The following PLCE1 variants were observed in gnomAD, a reference collection of about 807,000 sequenced individuals.
The protein encoded by PLCE1 is 1-phosphatidylinositol 4,5-bisphosphate phosphodiesterase epsilon-1.
PLCE1 carries 119 observed loss-of-function variants against 242.8 expected under a neutral mutation model. That is an observed-to-expected ratio of 0.49 (90% confidence interval 0.42 to 0.57). PLCE1 has a LOEUF of 0.57. PLCE1 is among the 20% of genes least tolerant of loss of function. The pLI, the probability that PLCE1 is intolerant of heterozygous loss-of-function variation, is 0.00. For missense variants in PLCE1, 2,441 were observed against 2,788.8 expected (o/e 0.88, Z 2.81); for synonymous variants, 945 against 1,017.4 (o/e 0.93, Z 1.35).
intron 2 of PLCE1, among the ~76,000 whole-genome samples, chr10:94,070,464 G>A (rs61886297): frequency 0.026 from 3,908 of 152,208 alleles, 84 homozygotes; most frequent in Non-Finnish European, 0.038. Context: ...GAAGAGATGG[G>A]CTTCCCTCTC....
At chr10:94,327,497 C>CTT (rs1446854948) in intron 32 of PLCE1, among the ~76,000 whole-genome samples, 1 of 152,300 alleles carries the variant, frequency 6.6e-6, no homozygotes, top group East Asian at 1.9e-4. Flanking sequence ...ATTGCTTGAA[C>CTT]TTTGGAGGCA....
At chr10:94,277,028 G>C (rs1165425847) in intron 19 of PLCE1, among the ~76,000 whole-genome samples, 1 of 152,020 alleles carries the variant, frequency 6.6e-6, no homozygotes, top group Non-Finnish European at 1.5e-5. Flanking sequence ...AGCTCCAGTG[G>C]GCTCAGACCT....
chr10:94,060,164 C>T (rs2044009489), intron 2 of PLCE1, among the ~76,000 whole-genome samples: 1 of 150,968 alleles, frequency 6.6e-6, no homozygotes, highest in South Asian at 2.1e-4. Context: ...ACATGCTGGT[C>T]TTGGTCAAGT....
In PLCE1 at chr10:94,246,123, G is replaced by T; in HGVS notation, c.2598G>T (p.Thr866=). 1 of 1,614,048 alleles carries T rather than the reference G, an allele frequency of 6.2e-7. No homozygotes were observed. The highest frequency in any genetic ancestry group is 1.1e-5 in the South Asian group (1 of 91,074). The part of the protein sequence containing the change: ...DVHQFLLQGA[T]VIHYDQDTHL... ...ACCAGTTCCTGCTGCAGGGGGCCAC[G>T]GTCATCCACTACGACCAGGACACAC... is the stretch of plus-strand genomic sequence containing the variant. The change falls in exon 8 of 33, where the codon ACG becomes ACT. Residue 866 remains threonine (T), a synonymous_variant. Coordinates refer to ENST00000371380, the MANE Select transcript of PLCE1 (RefSeq NM_016341.4).
In PLCE1 at chr10:94,234,080, A is replaced by G; in HGVS notation, c.1982A>G (p.Gln661Arg). 1 of 1,613,962 alleles carries G rather than the reference A, an allele frequency of 6.2e-7. No homozygotes were observed. The highest frequency in any genetic ancestry group is 8.5e-7 in the Non-Finnish European group (1 of 1,179,826). Residue 661 changes from glutamine (Q) to arginine (R), a missense_variant, in exon 6 of 33, where the codon CAG (glutamine) becomes CGG (arginine). Physicochemically the swap from Gln to Arg is conservative, Grantham distance 43 (BLOSUM62 1). This residue lies in a region of PLCE1 where 733 missense variants were observed against 754.2 expected (regional missense o/e 0.97). Coordinates refer to ENST00000371380, the MANE Select transcript of PLCE1 (RefSeq NM_016341.4). Reference protein sequence around the residue: ...LRSRKVLKMWQFMDQSDIETM... With the variant: ...LRSRKVLKMWRFMDQSDIETM... The stretch of plus-strand genomic sequence containing the variant: ...TCAAGAAAAGTTTTAAAAATGTGGC[A>G]GTTCATGGACCAGTCTGATATTGAG...
intron 1 of PLCE1, among the ~76,000 whole-genome samples, chr10:93,997,632 C>CTTTTTTTTTTTTT (rs34338995): frequency 2.5e-5 from 2 of 79,872 alleles, no homozygotes; most frequent in Admixed American, 1.5e-4. Context: ...AATAACCATC[C>CTTTTTTTTTTTTT]TTTTTTTTTT....
chr10:94,160,417 C>A (rs529100990), intron 3 of PLCE1, among the ~76,000 whole-genome samples: 5 of 152,314 alleles, frequency 3.3e-5, no homozygotes, highest in African/African-American at 1.2e-4. Context: ...TAAATGTCTT[C>A]TTTTGAGAAG....
chr10:94,138,358 A>G, intron 3 of PLCE1: 1 of 389,556 alleles, frequency 2.6e-6, no homozygotes, highest in Non-Finnish European at 5.1e-6. Context: ...CCTTTCATAA[A>G]TGAGGAGAGT....
intron 2 of PLCE1, among the ~76,000 whole-genome samples, chr10:94,061,198 C>T (rs1199638046): frequency 1.3e-5 from 2 of 152,140 alleles, no homozygotes; most frequent in Non-Finnish European, 2.9e-5. Context: ...GAACTTTCCA[C>T]AAAACTTCCT....
chr10:94,259,259 T>C lies in PLCE1; in HGVS notation c.3814+109T>C, dbSNP rs555227830. On this transcript the variant is annotated intron_variant, in intron 13 of 32. Coordinates refer to ENST00000371380, the MANE Select transcript of PLCE1 (RefSeq NM_016341.4). ...CCTGTCCCACATAGTGTGCTATTAC[T>C]GCTGTGTAGGGAAAGACTTAAGAGA... The C allele has an allele frequency of 3.4e-4, 372 of 1,091,718 alleles. 1 individual carries two copies. The highest frequency in any genetic ancestry group is 5.1e-4 in the Admixed American group (30 of 59,120). 67.6% of individuals were successfully genotyped at this position (1,091,718 alleles called of 1,614,324 possible). A position where few individuals can be genotyped will look rare whatever the true frequency, so the allele number is the denominator to read the frequency against.
At chr10:94,126,685 A>G (rs1032790469) in intron 2 of PLCE1, among the ~76,000 whole-genome samples, 4 of 152,230 alleles carry the variant, frequency 2.6e-5, no homozygotes, top group Non-Finnish European at 4.4e-5. Flanking sequence ...AGAACTTTCC[A>G]TCACCATATT....
intron 19 of PLCE1, 38 bp downstream of exon 19, chr10:94,273,758 G>A (rs768562538): frequency 4.4e-6 from 7 of 1,588,106 alleles, no homozygotes; most frequent in Non-Finnish European, 8.6e-7. Flanking sequence ...AAAAGGCAGT[G>A]TGCCTAGAAC....
At chr10:94,195,932 A>T (rs967610895) in intron 4 of PLCE1, among the ~76,000 whole-genome samples, 3 of 152,162 alleles carry the variant, frequency 2.0e-5, no homozygotes, top group Non-Finnish European at 4.4e-5. Context: ...AAGATAAAGA[A>T]TTAGGCCAGA....
chr10:94,324,791 A>G (rs983403135), intron 31 of PLCE1, 101 bp from the exon 32 acceptor site: 2 of 1,241,206 alleles, frequency 1.6e-6, no homozygotes, highest in African/African-American at 3.0e-5. Context: ...CTCTCTCCAA[A>G]GCTCTAGAGA....
chr10:94,027,138 C>T (rs1328033912), intron 1 of PLCE1, among the ~76,000 whole-genome samples: 1 of 152,180 alleles, frequency 6.6e-6, no homozygotes, highest in Non-Finnish European at 1.5e-5. Flanking sequence ...CTAACTACTT[C>T]CTACTTATCT....
At chr10:94,058,803 A>T (rs778562214) in intron 2 of PLCE1, among the ~76,000 whole-genome samples, 6 of 152,176 alleles carry the variant, frequency 3.9e-5, no homozygotes, top group Non-Finnish European at 7.3e-5. Context: ...TTACTTTATT[A>T]TAAAAGTATA....
chr10:94,008,302 AC>A (rs2061089045), intron 1 of PLCE1, among the ~76,000 whole-genome samples: 1 of 151,408 alleles, frequency 6.6e-6, no homozygotes, highest in Non-Finnish European at 1.5e-5. Context: ...GTACAAATGT[AC>A]CATATTTTGT....
chr10:94,214,012 T>C (rs2049431797), intron 4 of PLCE1, among the ~76,000 whole-genome samples: 1 of 152,096 alleles, frequency 6.6e-6, no homozygotes, highest in African/African-American at 2.4e-5. Context: ...AGTCTCAGGG[T>C]AGGTAGGAAA....
chr10:94,239,354 T>A (rs1023317115), intron 7 of PLCE1, among the ~76,000 whole-genome samples: 1 of 152,232 alleles, frequency 6.6e-6, no homozygotes, highest in Non-Finnish European at 1.5e-5. Context: ...GATGGCTTTA[T>A]AAGTGTGTGG....
Sources: allele counts gnomAD v4.1 joint callset (sites outside exome capture counted in the v4.1 genomes callset), GRCh38; gene constraint gnomAD v4.1.1; regional missense constraint gnomAD v4.1.1; transcripts MANE v1.5; gene names NCBI Gene and HGNC (gene_info 2026-07-23, HGNC 2026-07-21).